ZNF140: variants seen among roughly 807,000 people sequenced by gnomAD.
The protein encoded by ZNF140 is zinc finger protein 140 (clone pHZ-39).
In ZNF140, 13 loss-of-function variants were observed where a neutral mutation model predicts 12.9. The observed-to-expected ratio is 1.01, with a 90% CI of 0.66 to 1.60. ZNF140 has a LOEUF of 1.60. ZNF140 is among the 40% of genes most tolerant of loss of function. The probability of loss-of-function intolerance (pLI) is 0.00; values close to 1 mark genes in which losing one functional copy is unlikely to be tolerated. For synonymous variants in ZNF140, 214 were observed against 186.7 expected, an observed-to-expected ratio of 1.15 and a Z score of -1.19; for missense variants, 531 against 548.8, an observed-to-expected ratio of 0.97 and a Z score of 0.32.
intron 4 of ZNF140, among the ~76,000 whole-genome samples, chr12:133,090,887 A>G (rs368790786): frequency 7.1e-6 from 1 of 139,956 alleles, no homozygotes; most frequent in East Asian, 1.9e-4. Context: ...CTCTCCACCC[A>G]AACATCTCAG....
At position 133,105,544 on chromosome 12, in the gene ZNF140, A is replaced by G. The variant is rs1009527190; in HGVS notation, c.267A>G (p.Ser89=). 6.2e-7 allele frequency: 1 copy of G among 1,609,868 alleles called. No homozygotes were observed. The highest frequency in any genetic ancestry group is 8.5e-7 in the Non-Finnish European group (1 of 1,178,700). Residue 89 remains serine (S), a synonymous_variant, in exon 5 of 5, where the codon TCA becomes TCG. Coordinates refer to ENST00000355557, the MANE Select transcript of ZNF140 (RefSeq NM_003440.4). ...SESSGEIKDF[S]PKNVIYDDSS... The stretch of plus-strand genomic sequence containing the variant: ...CAAGTGGTGAGATCAAAGACTTTTC[A>G]CCAAAAAATGTCATTTATGATGACT...
chr12:133,092,901 T>C (rs1457194721), intron 4 of ZNF140, among the ~76,000 whole-genome samples: 2 of 151,264 alleles, frequency 1.3e-5, no homozygotes, highest in Non-Finnish European at 2.9e-5. Context: ...TCTGGGTCTT[T>C]TGATTCTTTT....
chr12:133,085,935 C>T (rs1006628593), intron 4 of ZNF140, among the ~76,000 whole-genome samples: 2 of 152,208 alleles, frequency 1.3e-5, no homozygotes, highest in African/African-American at 4.8e-5. Context: ...AAGAGAACCA[C>T]TTGAGCCTAG....
rs1954503502 is a variant in ZNF140 at position 133,081,556 on chromosome 12, C to T, written c.9+227C>T. 6.6e-6 allele frequency: 3 copies of T among 455,686 alleles called. No homozygotes were observed. The Admixed American group carries it at 7.1e-5, about 11-fold the overall frequency. The allele number at this position is 455,686 out of a possible 1,614,324, so 28.2% of individuals were successfully genotyped here. A position where few individuals can be genotyped will look rare whatever the true frequency, so the allele number is the denominator to read the frequency against. On this transcript the variant is annotated intron_variant, in intron 2 of 4. Coordinates refer to ENST00000355557, the MANE Select transcript of ZNF140 (RefSeq NM_003440.4). Reference sequence around the variant, plus strand: ...GGACTTGGGACGTGGCTTTCTTTCTCCTACAACCACCTGCCTGGCAGAACC... The same window carrying T: ...GGACTTGGGACGTGGCTTTCTTTCTTCTACAACCACCTGCCTGGCAGAACC...
chr12:133,080,430 C>G (rs1013915302), upstream of ZNF140: 1 of 152,366 alleles, frequency 6.6e-6, no homozygotes, highest in Non-Finnish European at 1.5e-5. Flanking sequence ...AAGCCATATG[C>G]TCTCTCGCGC....
intron 4 of ZNF140, among the ~76,000 whole-genome samples, chr12:133,103,448 G>A (rs63719060): frequency 6.9e-6 from 1 of 144,824 alleles, no homozygotes; most frequent in Admixed American, 6.8e-5. Flanking sequence ...TTTTTTTTGG[G>A]TAAAGACAGG....
Position 133,092,943 on chromosome 12 carries a change from G to A in ZNF140, c.232+9382G>A, listed in dbSNP as rs1444844572. Among the ~76,000 whole-genome samples, 2 of 150,932 alleles carry A rather than the reference G, an allele frequency of 1.3e-5. 1 individual carries two copies. The highest frequency in any genetic ancestry group is 2.9e-5 in the Non-Finnish European group (2 of 67,828). ...TCCTTGGGGCATGGTTTTCCCTTAGGCCTAAATTTTAATGATCTTTGATAG... is the reference window on the plus strand; with the variant it reads ...TCCTTGGGGCATGGTTTTCCCTTAGACCTAAATTTTAATGATCTTTGATAG... On this transcript the variant is annotated intron_variant, in intron 4 of 4. Transcript: ENST00000355557.
chr12:133,106,711 C>T lies in ZNF140; in HGVS notation c.*60C>T. The T allele has an allele frequency of 1.4e-6, 2 of 1,404,972 alleles. No individual in the cohort carries two copies. Among genetic ancestry groups the T allele is most frequent in the Non-Finnish European group, 1.9e-6 (2 of 1,047,768 alleles). 87.0% of individuals were successfully genotyped at this position (1,404,972 alleles called of 1,614,324 possible). ...AATTTTTTAAAAAGAAGTATAATGC[C>T]TTACTTCAGAGAACTCTTGGAAAGA... On this transcript the variant is annotated 3_prime_UTR_variant, in exon 5 of 5. Coordinates refer to ENST00000355557, the MANE Select transcript of ZNF140 (RefSeq NM_003440.4).
intron 4 of ZNF140, among the ~76,000 whole-genome samples, chr12:133,086,918 G>A (rs1246444505): frequency 6.6e-6 from 1 of 152,120 alleles, no homozygotes; most frequent in Non-Finnish European, 1.5e-5. Context: ...TTTGAAATTA[G>A]TTAAATGTCA....
Position 133,092,254 on chromosome 12 carries a change from G to A in ZNF140, c.232+8693G>A, listed in dbSNP as rs375940599. Reference sequence around the variant, plus strand: ...TTAATACTTCTGTTAAGATATGTACGGATGGAGAAGCCTCCCACGGTCGGT... The same window carrying A: ...TTAATACTTCTGTTAAGATATGTACAGATGGAGAAGCCTCCCACGGTCGGT... On this transcript the variant is annotated intron_variant, in intron 4 of 4. Transcript: ENST00000355557. 6.9e-3 allele frequency among the ~76,000 whole-genome samples: 1,039 copies of A among 150,946 alleles called. 71 individuals are homozygous for A. The highest frequency in any genetic ancestry group is 0.024 in the African/African-American group (987 of 40,722).
At chr12:133,084,310 T>C (rs1593743056) in intron 4 of ZNF140, 1 of 311,930 alleles carries the variant, frequency 3.2e-6, no homozygotes, top group East Asian at 1.0e-4. Context: ...CATTACTCTT[T>C]GATTAATTGA....
Position 133,095,721 on chromosome 12 carries a change from CA to C in ZNF140, c.233-9783del, listed in dbSNP as rs1323962292. Among the ~76,000 whole-genome samples, 30 of 151,486 alleles carry C rather than the reference CA, an allele frequency of 2.0e-4. 1 individual carries two copies. The highest frequency in any genetic ancestry group is 9.9e-4 in the Admixed American group (15 of 15,202). On this transcript the variant is annotated intron_variant, in intron 4 of 4. Coordinates refer to ENST00000355557, the MANE Select transcript of ZNF140 (RefSeq NM_003440.4). ...AGGGTGATAATAAGGAGAAGGTCAG[CA>C]AAAAACATGTGAGCAAAAGAATCTA...
Position 133,106,309 on chromosome 12 carries a change from T to G in ZNF140, c.1032T>G (p.Leu344=). 6.2e-7 allele frequency: 1 copy of G among 1,614,206 alleles called. No homozygotes were observed. Among genetic ancestry groups the G allele is most frequent in the Non-Finnish European group, 8.5e-7 (1 of 1,180,022 alleles). ...AAGCTTTCCGTTGTCACTCATTCCT[T>G]ATTAAACATCAGAGAATTCATGCTG... ...CRKAFRCHSF[L]IKHQRIHAGE... Residue 344 remains leucine, a synonymous_variant, in exon 5 of 5, where the codon CTT becomes CTG. Coordinates refer to ENST00000355557, the MANE Select transcript of ZNF140 (RefSeq NM_003440.4).
At position 133,081,344 on chromosome 12, in the gene ZNF140, G is replaced by GATTTATATAT; in HGVS notation, c.9+17_9+18insTTATATATAT. ...CTATGTCTCAGGTAAGCTAATGATT[G>GATTTATATAT]ATAAATATATATATATATATATATA... On this transcript the variant is annotated intron_variant, in intron 2 of 4. Transcript: ENST00000355557. The GATTTATATAT allele has an allele frequency of 2.2e-6, 1 of 461,280 alleles. No individual in the cohort carries two copies. Among genetic ancestry groups the GATTTATATAT allele is most frequent in the Non-Finnish European group, 3.7e-6 (1 of 269,678 alleles). 28.6% of individuals were successfully genotyped at this position (461,280 alleles called of 1,614,324 possible).
chr12:133,106,226 A>C lies in ZNF140; in HGVS notation c.949A>C (p.Thr317Pro). Residue 317 changes from threonine to proline, a missense_variant, in exon 5 of 5, where the codon ACT becomes CCT. Physicochemically the swap from Thr to Pro is conservative, Grantham distance 38. Coordinates refer to ENST00000355557, the MANE Select transcript of ZNF140 (RefSeq NM_003440.4). ...GGCATTTCGCCGTTTCTCACACCTT[A>C]CTCGACATCAGAGCATCCATACAAC... ...GKAFRRFSHLTRHQSIHTTKT... is the reference protein window; with the variant it reads ...GKAFRRFSHLPRHQSIHTTKT... 1 of 1,614,124 alleles carries C rather than the reference A, an allele frequency of 6.2e-7. No homozygotes were observed. Among genetic ancestry groups the C allele is most frequent in the Non-Finnish European group, 8.5e-7 (1 of 1,180,018 alleles).
At chr12:133,087,181 G>T (rs2137498429) in intron 4 of ZNF140, among the ~76,000 whole-genome samples, 1 of 152,114 alleles carries the variant, frequency 6.6e-6, no homozygotes, top group East Asian at 1.9e-4. Flanking sequence ...TAGACAGATT[G>T]GAAATAAAGT....
At position 133,093,920 on chromosome 12, in the gene ZNF140, C is replaced by A. The variant is rs1284668902; in HGVS notation, c.232+10359C>A. 2.0e-5 allele frequency among the ~76,000 whole-genome samples: 3 copies of A among 151,110 alleles called. 1 individual carries two copies. The highest frequency in any genetic ancestry group is 4.4e-5 in the Non-Finnish European group (3 of 67,856). ...CTCACTTTCTGTGTCTTTCTCTGAT[C>A]TCTGTCTTTTCCAGTCTCTCTGTCT... On this transcript the variant is annotated intron_variant, in intron 4 of 4. Coordinates refer to ENST00000355557, the MANE Select transcript of ZNF140 (RefSeq NM_003440.4).
Position 133,107,244 on chromosome 12 carries a change from CAG to C in ZNF140, c.*597_*598del, listed in dbSNP as rs1955632887. 6.6e-6 allele frequency: 1 copy of C among 152,154 alleles called. No homozygotes were observed. Among genetic ancestry groups the C allele is most frequent in the African/African-American group, 2.4e-5 (1 of 41,430 alleles). 9.4% of individuals were successfully genotyped at this position (152,154 alleles called of 1,614,324 possible). ...TTTCTGCAATATTTCAAACCTATATCAGAGAATTACACTGTGGGAAAACTACC... is the reference window on the plus strand; with the variant it reads ...TTTCTGCAATATTTCAAACCTATATCAGAATTACACTGTGGGAAAACTACC... On this transcript the variant is annotated 3_prime_UTR_variant, in exon 5 of 5. Coordinates refer to ENST00000355557, the MANE Select transcript of ZNF140 (RefSeq NM_003440.4).
intron 4 of ZNF140, chr12:133,084,132 A>T (rs632610): frequency 4.7e-6 from 2 of 422,140 alleles, no homozygotes; most frequent in Admixed American, 3.0e-5. Flanking sequence ...TTTTGTTCCC[A>T]TTGTTAGTTC....
Sources: allele counts gnomAD v4.1 joint callset (sites outside exome capture counted in the v4.1 genomes callset), GRCh38; gene constraint gnomAD v4.1.1; transcripts MANE v1.5; gene names NCBI Gene and HGNC (gene_info 2026-07-23, HGNC 2026-07-21).